TMEM18: variants seen among roughly 807,000 people sequenced by gnomAD.
TMEM18 encodes the protein transmembrane protein 18.
A neutral mutation model predicts 17.4 loss-of-function variants in TMEM18; 14 were observed. That is an observed-to-expected ratio of 0.80 (90% CI 0.53 to 1.25). The LOEUF (loss-of-function observed/expected upper bound fraction) is 1.25, where lower values mean the gene tolerates loss of function less well. Ranked by LOEUF, TMEM18 falls within the 50% of genes most tolerant of loss-of-function variation. The probability of loss-of-function intolerance (pLI) is 0.00; values close to 1 mark genes in which losing one functional copy is unlikely to be tolerated. For synonymous variants in TMEM18, 86 were observed against 66.1 expected (o/e 1.30, Z -1.46); for missense variants, 187 against 172.1 (o/e 1.09, Z -0.48).
intron 3 of TMEM18, 125 bp downstream of exon 3, chr2:672,677 TGCACGG>T (rs934010286): frequency 5.5e-6 from 4 of 720,968 alleles, no homozygotes; most frequent in Non-Finnish European, 8.2e-6. Flanking sequence ...CAACCCTGGA[TGCACGG>T]GCACGGGCTG....
chr2:676,781 G>T, intron 1 of TMEM18: 1 of 830,128 alleles, frequency 1.2e-6, no homozygotes. Context: ...ACGCCCCGCC[G>T]CACTGCCAGA....
chr2:672,496 C>T (rs10168696), intron 3 of TMEM18, among the ~76,000 whole-genome samples: 126,856 of 152,246 alleles, frequency 0.83, 52,872 homozygotes, highest in Middle Eastern at 0.86. Flanking sequence ...GAGGCCAGCG[C>T]GGACCACGTT....
chr2:665,568 CCACT>C lies in TMEM18; in HGVS notation c.*4008_*4011del, dbSNP rs1484929872. Among the ~76,000 whole-genome samples, 2 of 150,354 alleles carry C rather than the reference CCACT, an allele frequency of 1.3e-5. No individual in the cohort carries two copies. The highest frequency in any genetic ancestry group is 2.5e-5 in the African/African-American group (1 of 40,718). ...ACTAGAACCCAGAGATGCAGATGCCCCACTCACTCAGAGAATCAACCCCACATAA... is the reference window on the plus strand; with the variant it reads ...ACTAGAACCCAGAGATGCAGATGCCCCACTCAGAGAATCAACCCCACATAA... On this transcript the variant is annotated 3_prime_UTR_variant, in exon 5 of 5. Coordinates refer to ENST00000281017, the MANE Select transcript of TMEM18 (RefSeq NM_152834.4).
In TMEM18 at chr2:669,584, T is replaced by C. The variant is rs777036651; in HGVS notation, c.419A>G (p.Asp140Gly). The change falls in exon 5 of 5, where the codon GAC (aspartate) becomes GGC (glycine). Residue 140 changes from aspartate to glycine, a missense_variant. Transcript: ENST00000281017. ...RKEKKRRRKE[D>G] ...ACTCCAAGCAGCTGCTGCCCCTCAG[T>C]CTTCTTTCCTTCTCCTTTTCTTTTC... 1.2e-6 allele frequency: 2 copies of C among 1,614,184 alleles called. No homozygotes were observed. Among genetic ancestry groups the C allele is most frequent in the South Asian group, 1.1e-5 (1 of 91,072 alleles).
Position 664,395 on chromosome 2 carries a change from TGC to T in TMEM18, c.*5183_*5184del, listed in dbSNP as rs1369763640. 1.3e-5 allele frequency among the ~76,000 whole-genome samples: 2 copies of T among 152,234 alleles called. No individual in the cohort carries two copies. The highest frequency in any genetic ancestry group is 2.9e-5 in the Non-Finnish European group (2 of 68,044). On this transcript the variant is annotated 3_prime_UTR_variant, in exon 5 of 5. Transcript: ENST00000281017. ...ACTACAGACTAGTAACACATATTTC[TGC>T]CCTATATGTGTTACCAATTTTAACA...
chr2:675,865 C>A, intron 1 of TMEM18: 1 of 1,500,868 alleles, frequency 6.7e-7, no homozygotes, highest in Non-Finnish European at 8.9e-7. Flanking sequence ...AACTATAATT[C>A]ATGGAATTCA....
chr2:670,093 G>A (rs1374777665), intron 3 of TMEM18: 3 of 471,010 alleles, frequency 6.4e-6, no homozygotes, highest in Non-Finnish European at 1.1e-5. Flanking sequence ...AGCAGCACAG[G>A]AAAGACCCCG....
At chr2:672,232 C>T (rs1016445188) in intron 3 of TMEM18, among the ~76,000 whole-genome samples, 5 of 152,170 alleles carry the variant, frequency 3.3e-5, no homozygotes, top group Admixed American at 1.3e-4. Flanking sequence ...AAAAACAGTC[C>T]GTGGGTCTCA....
At chr2:671,327 G>C (rs1678843489) in intron 3 of TMEM18, among the ~76,000 whole-genome samples, 1 of 152,208 alleles carries the variant, frequency 6.6e-6, no homozygotes, top group African/African-American at 2.4e-5. Context: ...CTCTGGACAA[G>C]GTCAGGGTCA....
chr2:676,758 G>A, intron 1 of TMEM18: 1 of 992,942 alleles, frequency 1.0e-6, no homozygotes, highest in Non-Finnish European at 1.5e-6. Context: ...CACACGATCA[G>A]GCTCCACCAC....
intron 1 of TMEM18, 48 bp from the exon 2 acceptor site, chr2:675,678 G>A (rs199686468): frequency 3.2e-5 from 51 of 1,604,966 alleles, no homozygotes; most frequent in East Asian, 2.7e-4. Flanking sequence ...ACTCAAGGCC[G>A]GGTTCACGGC....
chr2:676,527 C>A, intron 1 of TMEM18: 1 of 1,545,798 alleles, frequency 6.5e-7, no homozygotes, highest in Non-Finnish European at 8.7e-7. Flanking sequence ...CAGAGCCGCG[C>A]CATGACATAA....
At chr2:674,234 T>A (rs1276048634) in intron 2 of TMEM18, among the ~76,000 whole-genome samples, 1 of 152,164 alleles carries the variant, frequency 6.6e-6, no homozygotes, top group East Asian at 1.9e-4. Flanking sequence ...TGTGCAGTTC[T>A]CCAGCTGACA....
chr2:676,867 C>T, intron 1 of TMEM18: 2 of 590,378 alleles, frequency 3.4e-6, no homozygotes, highest in South Asian at 4.1e-5. Context: ...GAACAAAGCC[C>T]TACCCCTCGC....
rs1028608119 is a variant in TMEM18 at position 664,608 on chromosome 2, C to G, written c.*4972G>C. Among the ~76,000 whole-genome samples, 1 of 152,114 alleles carries G rather than the reference C, an allele frequency of 6.6e-6. No individual in the cohort carries two copies. The highest frequency in any genetic ancestry group is 1.5e-5 in the Non-Finnish European group (1 of 67,990). ...TTTCACCTATTACTCAGAAAAGTTT[C>G]TTTTTTTACGTTGCTACTTAGTGCA... is the stretch of plus-strand genomic sequence containing the variant. On this transcript the variant is annotated 3_prime_UTR_variant, in exon 5 of 5. Coordinates refer to ENST00000281017, the MANE Select transcript of TMEM18 (RefSeq NM_152834.4).
At chr2:675,784 C>T in intron 1 of TMEM18, 154 bp from the exon 2 acceptor site, 1 of 1,532,996 alleles carries the variant, frequency 6.5e-7, no homozygotes. Flanking sequence ...ATTGCCAGGC[C>T]TCAGAGAAAC....
At chr2:675,358 G>A in intron 2 of TMEM18, 152 bp downstream of exon 2, 1 of 1,140,014 alleles carries the variant, frequency 8.8e-7, no homozygotes. Context: ...GCTTCCAAGA[G>A]TGAAAAACGG....
In TMEM18 at chr2:663,922, T is replaced by C. The variant is rs1678609437; in HGVS notation, c.*5658A>G. Reference sequence around the variant, plus strand: ...ACATGAGTAACTTTATTTATAAAGGTGTCACAGTTCTTGGCAAGTAAATCC... The same window carrying C: ...ACATGAGTAACTTTATTTATAAAGGCGTCACAGTTCTTGGCAAGTAAATCC... On this transcript the variant is annotated 3_prime_UTR_variant, in exon 5 of 5. Transcript: ENST00000281017. Among the ~76,000 whole-genome samples, 1 of 152,232 alleles carries C rather than the reference T, an allele frequency of 6.6e-6. No individual in the cohort carries two copies. Among genetic ancestry groups the C allele is most frequent in the African/African-American group, 2.4e-5 (1 of 41,456 alleles).
intron 3 of TMEM18, chr2:671,072 G>A (rs552951086): frequency 1.3e-5 from 2 of 152,524 alleles, no homozygotes; most frequent in East Asian, 1.9e-4. Flanking sequence ...GGGAGAAGCC[G>A]CCCCTACGAA....
Sources: gnomAD v4.1 joint callset for allele counts (sites outside exome capture counted in the v4.1 genomes callset) on GRCh38, gnomAD v4.1.1 for gene constraint, MANE v1.5 for transcripts, NCBI Gene and HGNC (gene_info 2026-07-23, HGNC 2026-07-21) for gene names.